TRMT11: variants seen among roughly 807,000 people sequenced by gnomAD.
TRMT11 encodes tRNA methyltransferase 11, also known as tRNA (guanine(10)-N(2))-methyltransferase TRMT11.
TRMT11 carries 53 observed loss-of-function variants against 62.8 expected under a neutral mutation model. That is an observed-to-expected ratio of 0.84 (90% CI 0.68 to 1.06). TRMT11 has a LOEUF of 1.06. Among genes scored for constraint, TRMT11 ranks in the 50% least tolerant of loss-of-function variants. The pLI is 0.00. For synonymous variants in TRMT11, 188 were observed against 190.3 expected (o/e 0.99, Z 0.10); for missense variants, 556 against 553.4 (o/e 1.00, Z -0.05).
chr6:126,174,996 A>AAAG (rs1235455729), upstream of TRMT11, among the ~76,000 whole-genome samples: 3 of 152,246 alleles, frequency 2.0e-5, no homozygotes, highest in African/African-American at 7.2e-5. Flanking sequence ...CAAAAGGAGC[A>AAAG]TATTGTATGT....
At chr6:126,110,694 G>GCGTGC (rs972709139) in intron 17 of TRMT11, among the ~76,000 whole-genome samples, 4 of 152,084 alleles carry the variant, frequency 2.6e-5, no homozygotes, top group African/African-American at 9.7e-5. Flanking sequence ...GTGTGCATGT[G>GCGTGC]CGTGCACACA....
the TRMT11 span, among the ~76,000 whole-genome samples, chr6:126,225,531 G>C: frequency 6.6e-6 from 1 of 151,572 alleles, no homozygotes. Flanking sequence ...GGTCTCCGTG[G>C]GAGATGCTCT....
chr6:126,150,685 A>G (rs756036180), intron 21 of TRMT11, among the ~76,000 whole-genome samples: 14 of 152,178 alleles, frequency 9.2e-5, no homozygotes, highest in Non-Finnish European at 1.8e-4. Flanking sequence ...AATAAACAGA[A>G]CCAGTTATCC....
the TRMT11 span, among the ~76,000 whole-genome samples, chr6:126,249,347 G>A: frequency 6.6e-6 from 1 of 151,778 alleles, no homozygotes; most frequent in South Asian, 2.1e-4. Context: ...CATTATTTAT[G>A]TGCTCTTTCC....
chr6:126,043,924 G>T (rs1225626954), downstream of TRMT11, among the ~76,000 whole-genome samples: 3 of 146,832 alleles, frequency 2.0e-5, no homozygotes, highest in East Asian at 2.3e-4. Context: ...TTGTAAATTT[G>T]TTGGAGTTCA....
chr6:126,067,943 C>T (rs1198952398), intron 17 of TRMT11, among the ~76,000 whole-genome samples: 1 of 152,148 alleles, frequency 6.6e-6, no homozygotes, highest in Non-Finnish European at 1.5e-5. Flanking sequence ...TGTTTCCATG[C>T]CATACAATTC....
At chr6:126,205,135 G>A (rs1002603712), downstream of TRMT11, among the ~76,000 whole-genome samples, 2 of 152,198 alleles carry the variant, frequency 1.3e-5, no homozygotes, top group Non-Finnish European at 2.9e-5. Flanking sequence ...TGAAAGAAGT[G>A]CATTTATAGG....
chr6:126,070,377 T>C (rs756932301), intron 17 of TRMT11, among the ~76,000 whole-genome samples: 2 of 152,204 alleles, frequency 1.3e-5, no homozygotes, highest in Non-Finnish European at 2.9e-5. Flanking sequence ...CCCTCCCATA[T>C]ACCTGGTACT....
chr6:125,989,708 T>C (rs944777585), intron 1 of TRMT11, among the ~76,000 whole-genome samples: 5 of 152,240 alleles, frequency 3.3e-5, no homozygotes, highest in African/African-American at 9.6e-5. Flanking sequence ...ATTACACTTG[T>C]GCCAGTTTAT....
the TRMT11 span, among the ~76,000 whole-genome samples, chr6:126,246,870 T>G: frequency 1.1e-4 from 17 of 152,310 alleles, no homozygotes; most frequent in Admixed American, 3.9e-4. Context: ...ACATGCAAAC[T>G]ATTAATCTTG....
chr6:126,179,076 A>C (rs1308566650), intron 1 of TRMT11, among the ~76,000 whole-genome samples: 1 of 152,122 alleles, frequency 6.6e-6, no homozygotes, highest in African/African-American at 2.4e-5. Flanking sequence ...TAAAGTTATC[A>C]GCTCCCCCAC....
intron 12 of TRMT11, among the ~76,000 whole-genome samples, chr6:126,037,248 C>A (rs970442629): frequency 6.6e-6 from 1 of 152,022 alleles, no homozygotes; most frequent in Non-Finnish European, 1.5e-5. Flanking sequence ...TATCTTGGAC[C>A]TGTACTCTTA....
At chr6:126,018,688 G>A (rs186348986) in intron 11 of TRMT11, among the ~76,000 whole-genome samples, 2 of 151,504 alleles carry the variant, frequency 1.3e-5, no homozygotes, top group African/African-American at 4.8e-5. Flanking sequence ...TGCCTATTAA[G>A]GATGATTTAG....
rs1775630659 is a variant in TRMT11 at position 126,038,596 on chromosome 6, G to A, written c.1261-109G>A. 3.6e-6 allele frequency: 3 copies of A among 828,776 alleles called. No individual in the cohort carries two copies. In the African/African-American group the frequency reaches 5.3e-5, roughly 15 times the overall value. The allele number at this position is 828,776 out of a possible 1,614,324, so 51.3% of individuals were successfully genotyped here. The stretch of plus-strand genomic sequence containing the variant: ...TCAAGTAGTGAAGGAAGATAAATAT[G>A]CACTAGAGAGTGAGATTTTGCTTAA... On this transcript the variant is annotated intron_variant, in intron 12 of 12. Coordinates refer to ENST00000334379, the MANE Select transcript of TRMT11 (RefSeq NM_001031712.3).
rs1794496106 is a variant in TRMT11, at chr6:126,013,194, G to A, written c.1139+93G>A. 17 of 1,139,384 alleles carry A rather than the reference G, an allele frequency of 1.5e-5. No individual in the cohort carries two copies. The South Asian group carries it at 2.4e-4, about 16-fold the overall frequency. The allele number at this position is 1,139,384 out of a possible 1,614,324, so 70.6% of individuals were successfully genotyped here. A position where few individuals can be genotyped will look rare whatever the true frequency, so the allele number is the denominator to read the frequency against. On this transcript the variant is annotated intron_variant, in intron 11 of 12. Coordinates refer to ENST00000334379, the MANE Select transcript of TRMT11 (RefSeq NM_001031712.3). ...CTCTTTATCTCTTCTTGCATTTGGTGCATCTTTATATTTAATTTGTAATAG... is the reference window on the plus strand; with the variant it reads ...CTCTTTATCTCTTCTTGCATTTGGTACATCTTTATATTTAATTTGTAATAG...
chr6:126,078,916 A>G (rs1777096054), intron 17 of TRMT11, among the ~76,000 whole-genome samples: 1 of 152,358 alleles, frequency 6.6e-6, no homozygotes, highest in Non-Finnish European at 1.5e-5. Flanking sequence ...CGTGTTCTGC[A>G]TTGTGCAACT....
intron 8 of TRMT11, 150 bp from the exon 9 acceptor site, chr6:126,011,103 T>A: frequency 1.7e-6 from 1 of 578,712 alleles, no homozygotes. Context: ...AAATAACTAT[T>A]TACTTGTATA....
At chr6:126,253,682 T>C in the TRMT11 span, among the ~76,000 whole-genome samples, 3 of 152,196 alleles carry the variant, frequency 2.0e-5, no homozygotes, top group Non-Finnish European at 4.4e-5. Flanking sequence ...ATGCAGTCTG[T>C]TGTTGACTGA....
At chr6:126,206,675 T>C (rs1354180144), downstream of TRMT11, among the ~76,000 whole-genome samples, 1 of 152,226 alleles carries the variant, frequency 6.6e-6, no homozygotes, top group Non-Finnish European at 1.5e-5. Flanking sequence ...CATACAACTC[T>C]TTAAGCCTCC....
Sources: gnomAD v4.1 joint callset for allele counts (sites outside exome capture counted in the v4.1 genomes callset) on GRCh38, gnomAD v4.1.1 for gene constraint, MANE v1.5 for transcripts, NCBI Gene and HGNC (gene_info 2026-07-23, HGNC 2026-07-21) for gene names.